The following GUCY1A2 variants were observed in gnomAD, a reference collection of about 807,000 sequenced individuals.
GUCY1A2 encodes the protein guanylate cyclase 1 soluble subunit alpha 2.
Under a neutral mutation model 63.5 loss-of-function variants are expected in GUCY1A2, and 27 were observed. The observed-to-expected ratio is 0.43, with a 90% confidence interval of 0.31 to 0.59. The LOEUF is 0.59. GUCY1A2 is among the 20% of genes least tolerant of loss of function. GUCY1A2 has a pLI of 0.11. For missense variants in GUCY1A2, 768 were observed against 913.3 expected, an observed-to-expected ratio of 0.84 and a Z score of 2.05; for synonymous variants, 364 against 343.5, an observed-to-expected ratio of 1.06 and a Z score of -0.66.
chr11:106,927,330 G>A lies in GUCY1A2; in HGVS notation c.1206+12130C>T, dbSNP rs1039363752. Among the ~76,000 whole-genome samples the A allele has an allele frequency of 6.6e-5, 10 of 151,288 alleles. No individual in the cohort carries two copies. The East Asian group carries it at 1.2e-3, about 19-fold the overall frequency. ...GGAGCTTGCAGTGAGCAGAGATCGC[G>A]CTACTGCACTCCAGCCTGGGCAACA... is the stretch of plus-strand genomic sequence containing the variant. On this transcript the variant is annotated intron_variant, in intron 4 of 7. Coordinates refer to ENST00000526355, the MANE Select transcript of GUCY1A2 (RefSeq NM_000855.3).
At chr11:106,713,477 C>CTACAATAT (rs1565266563) in intron 6 of GUCY1A2, among the ~76,000 whole-genome samples, 1 of 148,122 alleles carries the variant, frequency 6.8e-6, no homozygotes, top group Non-Finnish European at 1.5e-5. Context: ...GCAAAGCACA[C>CTACAATAT]TGCAATATTA....
At chr11:106,878,711 T>C (rs1273413320) in intron 4 of GUCY1A2, among the ~76,000 whole-genome samples, 1 of 148,658 alleles carries the variant, frequency 6.7e-6, no homozygotes, top group Non-Finnish European at 1.5e-5. Flanking sequence ...AAATAATCTG[T>C]ACAACAAATC....
chr11:106,918,969 AT>A (rs1296335551), intron 4 of GUCY1A2, among the ~76,000 whole-genome samples: 1 of 152,152 alleles, frequency 6.6e-6, no homozygotes. Flanking sequence ...CCAAATAATT[AT>A]TGTCTGTGTA....
intron 4 of GUCY1A2, among the ~76,000 whole-genome samples, chr11:106,831,384 G>A (rs1859048734): frequency 6.6e-6 from 1 of 152,174 alleles, no homozygotes; most frequent in African/African-American, 2.4e-5. Context: ...CTGGTGAAAA[G>A]CACGTGGGTT....
At chr11:106,824,674 A>G (rs1430114294) in intron 4 of GUCY1A2, 1 of 870,652 alleles carries the variant, frequency 1.1e-6, no homozygotes, top group East Asian at 2.8e-5. Context: ...TGTAGATAAA[A>G]AACTAGACCC....
chr11:106,758,286 C>T (rs1391682754), intron 6 of GUCY1A2, among the ~76,000 whole-genome samples: 5 of 152,174 alleles, frequency 3.3e-5, no homozygotes, highest in Admixed American at 2.0e-4. Flanking sequence ...GCTATGTGGG[C>T]GTGGGACCCA....
chr11:106,730,651 T>C (rs1036621323), intron 6 of GUCY1A2, among the ~76,000 whole-genome samples: 1 of 152,094 alleles, frequency 6.6e-6, no homozygotes, highest in Non-Finnish European at 1.5e-5. Flanking sequence ...ATTGCTGGGT[T>C]GAATGATATT....
chr11:106,989,000 C>G (rs1184965496), intron 1 of GUCY1A2, among the ~76,000 whole-genome samples: 1 of 152,216 alleles, frequency 6.6e-6, no homozygotes, highest in Non-Finnish European at 1.5e-5. Flanking sequence ...TGGTAGGGTC[C>G]AGCTCTCAAC....
rs559430121 is a variant in GUCY1A2 at position 106,705,071 on chromosome 11, A to G, written c.1991+3441T>C. Among the ~76,000 whole-genome samples the G allele has an allele frequency of 6.6e-5, 10 of 152,210 alleles. No homozygotes were observed. The East Asian group carries it at 1.7e-3, about 26-fold the overall frequency. On this transcript the variant is annotated intron_variant, in intron 7 of 7. Transcript: ENST00000526355. ...TCTAATTTGGAAAACTTAAAACTCA[A>G]TAAAAATTTCTTTTTTGTAATGTCA...
At chr11:106,687,843 A>G in intron 7 of GUCY1A2, 87 bp from the exon 8 acceptor site, 2 of 849,610 alleles carry the variant, frequency 2.4e-6, no homozygotes, top group Non-Finnish European at 4.0e-6. Flanking sequence ...CAGGAAGCCT[A>G]TCTCTGACTG....
At chr11:106,788,786 G>A (rs184335436) in intron 5 of GUCY1A2, among the ~76,000 whole-genome samples, 28 of 152,280 alleles carry the variant, frequency 1.8e-4, no homozygotes, top group Admixed American at 1.2e-3. Flanking sequence ...CCAGTACCAC[G>A]TTATTTTGGT....
chr11:106,970,644 A>G (rs968404366), intron 3 of GUCY1A2, among the ~76,000 whole-genome samples: 4 of 152,190 alleles, frequency 2.6e-5, no homozygotes, highest in Non-Finnish European at 5.9e-5. Flanking sequence ...GGAAAGGCAA[A>G]TGGCTCAGCC....
intron 4 of GUCY1A2, among the ~76,000 whole-genome samples, chr11:106,903,849 C>T (rs1223999868): frequency 6.6e-6 from 1 of 152,156 alleles, no homozygotes; most frequent in Non-Finnish European, 1.5e-5. Flanking sequence ...AGCAACATAG[C>T]AGCTCATAAT....
At chr11:106,916,247 G>A (rs1860368250) in intron 4 of GUCY1A2, among the ~76,000 whole-genome samples, 1 of 145,492 alleles carries the variant, frequency 6.9e-6, no homozygotes, top group South Asian at 2.4e-4. Context: ...TATCAATCCT[G>A]TCTATTAGTT....
chr11:106,823,105 A>T (rs183794305), intron 4 of GUCY1A2, among the ~76,000 whole-genome samples: 16 of 152,264 alleles, frequency 1.1e-4, no homozygotes, highest in African/African-American at 3.9e-4. Flanking sequence ...TGAAAAAAAA[A>T]TGTAGATTCA....
intron 6 of GUCY1A2, among the ~76,000 whole-genome samples, chr11:106,726,201 C>T (rs530127401): frequency 5.3e-5 from 8 of 152,106 alleles, no homozygotes; most frequent in African/African-American, 1.4e-4. Context: ...GATTGCCTGA[C>T]GTCAGGAGTT....
chr11:106,736,936 G>A (rs1863599760), intron 6 of GUCY1A2, among the ~76,000 whole-genome samples: 1 of 152,058 alleles, frequency 6.6e-6, no homozygotes, highest in African/African-American at 2.4e-5. Context: ...TTCATCTGGG[G>A]AGCATACCAC....
At chr11:106,892,860 A>G (rs771437015) in intron 4 of GUCY1A2, among the ~76,000 whole-genome samples, 1 of 152,156 alleles carries the variant, frequency 6.6e-6, no homozygotes, top group Non-Finnish European at 1.5e-5. Context: ...TTTACATACA[A>G]GAGAATTCTT....
intron 3 of GUCY1A2, among the ~76,000 whole-genome samples, chr11:106,940,933 G>A (rs544421663): frequency 1.5e-4 from 23 of 152,184 alleles, no homozygotes; most frequent in Non-Finnish European, 3.2e-4. Context: ...TTATCGAAAT[G>A]CATGTATTAA....
Sources: allele counts gnomAD v4.1 joint callset (sites outside exome capture counted in the v4.1 genomes callset), GRCh38; gene constraint gnomAD v4.1.1; transcripts MANE v1.5; gene names NCBI Gene and HGNC (gene_info 2026-07-23, HGNC 2026-07-21).